MAGI1: variants seen among roughly 807,000 people sequenced by gnomAD.
MAGI1 encodes membrane-associated guanylate kinase, WW and PDZ domain-containing protein 1.
MAGI1 carries 58 observed loss-of-function variants against 139.9 expected under a neutral mutation model. The ratio of observed to expected loss-of-function variants is 0.41; its 90% CI spans 0.34 to 0.52. MAGI1 has a LOEUF of 0.52. Among genes scored for constraint, MAGI1 ranks in the 20% least tolerant of loss-of-function variants. MAGI1 has a pLI of 0.12. For missense variants in MAGI1, 1,874 were observed against 1,901.6 expected (o/e 0.99, Z 0.27); for synonymous variants, 812 against 737.9 (o/e 1.10, Z -1.63).
chr3:65,716,531 G>A (rs541126308), intron 1 of MAGI1, among the ~76,000 whole-genome samples: 168 of 152,266 alleles, frequency 1.1e-3, no homozygotes, highest in Middle Eastern at 0.01. Flanking sequence ...AGGAACAGTG[G>A]GGAACAGCAA....
At chr3:65,386,607 TC>T (rs1392900724) in intron 14 of MAGI1, among the ~76,000 whole-genome samples, 1 of 152,166 alleles carries the variant, frequency 6.6e-6, no homozygotes, top group East Asian at 1.9e-4. Flanking sequence ...CTAAACTACT[TC>T]CCCCAAAATG....
At position 65,737,248 on chromosome 3, in the gene MAGI1, A is replaced by G. The variant is rs564841145; in HGVS notation, c.314-115160T>C. On this transcript the variant is annotated intron_variant, in intron 1 of 22. Coordinates refer to ENST00000402939, the MANE Select transcript of MAGI1 (RefSeq NM_001033057.2). The stretch of plus-strand genomic sequence containing the variant: ...TCTCAATCTCCTGACCTCGTGATCC[A>G]CCTGCCTCAGCCTCCCAAAGTGCTG... Among the ~76,000 whole-genome samples the G allele has an allele frequency of 4.8e-4, 73 of 152,230 alleles. No homozygotes were observed. In the East Asian group the frequency reaches 0.013, roughly 28 times the overall value.
intron 1 of MAGI1, among the ~76,000 whole-genome samples, chr3:65,922,463 G>T (rs1268428852): frequency 1.5e-5 from 1 of 65,190 alleles, no homozygotes; most frequent in Non-Finnish European, 2.8e-5. Context: ...GCCATGTGAA[G>T]AGGAGGTAAA....
In MAGI1 at chr3:65,379,449, T is replaced by C; in HGVS notation, c.2807A>G (p.Asn936Ser). The change falls in exon 17 of 23, where the codon AAC (asparagine) becomes AGC (serine). Residue 936 changes from asparagine to serine, a missense_variant. Transcript: ENST00000402939. Reference protein sequence around the residue: ...EEKRTPQGSQNSLNTVSSGSG... With the variant: ...EEKRTPQGSQSSLNTVSSGSG... Reference sequence around the variant, plus strand: ...GCCCGAGCTCACCGTGTTCAGCGAGTTCTGGCTGCCCTGCGGAGTGCGCTT... The same window carrying C: ...GCCCGAGCTCACCGTGTTCAGCGAGCTCTGGCTGCCCTGCGGAGTGCGCTT... 1.2e-6 allele frequency: 2 copies of C among 1,613,914 alleles called. No homozygotes were observed. The highest frequency in any genetic ancestry group is 1.1e-5 in the South Asian group (1 of 91,064).
intron 1 of MAGI1, among the ~76,000 whole-genome samples, chr3:65,967,935 G>A (rs2064838484): frequency 6.6e-6 from 1 of 152,146 alleles, no homozygotes; most frequent in Admixed American, 6.5e-5. Flanking sequence ...CACACCTGGG[G>A]GTCAAGGAGG....
At chr3:65,387,106 G>T in intron 14 of MAGI1, 1 of 1,560,754 alleles carries the variant, frequency 6.4e-7, no homozygotes, top group South Asian at 1.1e-5. Flanking sequence ...CAAGATGAAT[G>T]AAAACGGAGA....
intron 1 of MAGI1, among the ~76,000 whole-genome samples, chr3:65,775,241 T>G (rs1412827127): frequency 1.3e-5 from 2 of 151,212 alleles, no homozygotes; most frequent in African/African-American, 2.4e-5. Flanking sequence ...AGTCCAGGAG[T>G]TTCAGACCAG....
chr3:65,671,682 T>A (rs2086866131), intron 1 of MAGI1, among the ~76,000 whole-genome samples: 7 of 152,138 alleles, frequency 4.6e-5, no homozygotes. Flanking sequence ...TTGAGAAAGT[T>A]ACTTGCCCTC....
chr3:65,455,122 A>T (rs1452966758), intron 5 of MAGI1, among the ~76,000 whole-genome samples: 1 of 152,202 alleles, frequency 6.6e-6, no homozygotes, highest in Non-Finnish European at 1.5e-5. Flanking sequence ...AACTGTGTTT[A>T]AAACAAAAAT....
rs779053891 is a variant in MAGI1 at position 66,038,345 on chromosome 3, G to A, written c.-37C>T. 8.6e-6 allele frequency: 13 copies of A among 1,514,542 alleles called. No homozygotes were observed. The highest frequency in any genetic ancestry group is 1.1e-5 in the Non-Finnish European group (13 of 1,133,656). 93.8% of individuals were successfully genotyped at this position (1,514,542 alleles called of 1,614,324 possible). A position where few individuals can be genotyped will look rare whatever the true frequency, so the allele number is the denominator to read the frequency against. ...CCCCTCCTCCAAAAAAATAAAACGA[G>A]AGACAGGTGCCCCCCACAGCACGAG... On this transcript the variant is annotated 5_prime_UTR_variant, in exon 1 of 23. Transcript: ENST00000402939.
intron 2 of MAGI1, among the ~76,000 whole-genome samples, chr3:65,543,237 A>C (rs1271841008): frequency 1.3e-5 from 2 of 152,224 alleles, no homozygotes; most frequent in Non-Finnish European, 2.9e-5. Context: ...CGATCATTAA[A>C]AAGTCAGGAA....
Position 65,777,642 on chromosome 3 carries a change from C to CAAA in MAGI1, c.314-155557_314-155555dup, listed in dbSNP as rs11415226. 2.1e-3 allele frequency among the ~76,000 whole-genome samples: 247 copies of CAAA among 117,018 alleles called. 3 individuals carry two copies. The highest frequency in any genetic ancestry group is 0.01 in the Admixed American group (111 of 10,602). 76.8% of individuals were successfully genotyped at this position (117,018 alleles called of 152,430 possible). On this transcript the variant is annotated intron_variant, in intron 1 of 22. Transcript: ENST00000402939. Reference sequence around the variant, plus strand: ...GGGCAACAGAGTGAGACTCTTATCACAAAAAAAAAAAAAAAAGAAAGAAAG... The same window carrying CAAA: ...GGGCAACAGAGTGAGACTCTTATCACAAAAAAAAAAAAAAAAAAAGAAAGAAAG...
Position 65,753,397 on chromosome 3 carries a change from G to A in MAGI1, c.314-131309C>T, listed in dbSNP as rs868425975. Among the ~76,000 whole-genome samples, 22 of 152,136 alleles carry A rather than the reference G, an allele frequency of 1.4e-4. No individual in the cohort carries two copies. In the South Asian group the frequency reaches 1.7e-3, roughly 11 times the overall value. Reference sequence around the variant, plus strand: ...TTCACCAAAAACACCTATGAACTGAGTATGGTTATTATCTCCATTTTATTG... The same window carrying A: ...TTCACCAAAAACACCTATGAACTGAATATGGTTATTATCTCCATTTTATTG... On this transcript the variant is annotated intron_variant, in intron 1 of 22. Coordinates refer to ENST00000402939, the MANE Select transcript of MAGI1 (RefSeq NM_001033057.2).
intron 1 of MAGI1, among the ~76,000 whole-genome samples, chr3:65,870,644 G>C (rs1438810494): frequency 2.0e-5 from 3 of 148,288 alleles, no homozygotes; most frequent in South Asian, 4.6e-4. Flanking sequence ...GAGGCAGGGT[G>C]GGGGGGGTAG....
chr3:65,955,216 A>T (rs2064061505), intron 1 of MAGI1, among the ~76,000 whole-genome samples: 1 of 152,254 alleles, frequency 6.6e-6, no homozygotes, highest in Non-Finnish European at 1.5e-5. Context: ...CTAATAAAAA[A>T]TAACCTTGGC....
chr3:65,654,164 G>A (rs1229553447), intron 1 of MAGI1, among the ~76,000 whole-genome samples: 2 of 152,088 alleles, frequency 1.3e-5, no homozygotes, highest in East Asian at 1.9e-4. Flanking sequence ...ACATGGCAAA[G>A]GTAACATTAA....
chr3:65,396,004 A>G (rs1161906786), intron 13 of MAGI1, among the ~76,000 whole-genome samples: 1 of 152,106 alleles, frequency 6.6e-6, no homozygotes, highest in African/African-American at 2.4e-5. Flanking sequence ...TTACCCAGGA[A>G]AAGAACAAGT....
chr3:65,677,293 A>G (rs1039857875), intron 1 of MAGI1, among the ~76,000 whole-genome samples: 6 of 152,068 alleles, frequency 3.9e-5, no homozygotes, highest in African/African-American at 2.4e-5. Context: ...GATTTTTACT[A>G]TTGGCCAGCT....
chr3:65,929,888 T>C (rs2062713556), intron 1 of MAGI1, among the ~76,000 whole-genome samples: 1 of 152,196 alleles, frequency 6.6e-6, no homozygotes, highest in Non-Finnish European at 1.5e-5. Flanking sequence ...TAATCCATTC[T>C]TTGACTTTTA....
Sources: gnomAD v4.1 joint callset for allele counts (sites outside exome capture counted in the v4.1 genomes callset) on GRCh38, gnomAD v4.1.1 for gene constraint, MANE v1.5 for transcripts, NCBI Gene and HGNC (gene_info 2026-07-23, HGNC 2026-07-21) for gene names.